The following MDGA2 variants were observed in gnomAD, a reference collection of about 807,000 sequenced individuals.
MDGA2 encodes MAM domain containing glycosylphosphatidylinositol anchor 2.
MDGA2 carries 40 observed loss-of-function variants against 117.8 expected under a neutral mutation model. The observed-to-expected ratio is 0.34, with a 90% CI of 0.26 to 0.44. The LOEUF is 0.44. Among genes scored for constraint, MDGA2 ranks in the 20% least tolerant of loss-of-function variants. The pLI is 1.00. For synonymous variants in MDGA2, 452 were observed against 439.0 expected, an observed-to-expected ratio of 1.03 and a Z score of -0.37; for missense variants, 1,123 against 1,250.6, an observed-to-expected ratio of 0.90 and a Z score of 1.54.
chr14:47,022,774 T>C (rs1888331711), intron 8 of MDGA2, among the ~76,000 whole-genome samples: 1 of 152,172 alleles, frequency 6.6e-6, no homozygotes, highest in African/African-American at 2.4e-5. Context: ...CAAAAAGCAT[T>C]GAGTTCAAAT....
chr14:47,330,718 AG>A (rs1890270200), intron 1 of MDGA2, among the ~76,000 whole-genome samples: 3 of 151,932 alleles, frequency 2.0e-5, no homozygotes, highest in African/African-American at 7.2e-5. Context: ...CCAAAAAAAA[AG>A]AAATCAAAGA....
intron 3 of MDGA2, among the ~76,000 whole-genome samples, chr14:47,212,192 A>G (rs1262560784): frequency 2.0e-5 from 3 of 152,178 alleles, no homozygotes; most frequent in Non-Finnish European, 4.4e-5. Flanking sequence ...TCCTTATGCT[A>G]TTTGCCTATC....
chr14:47,060,690 T>C (rs1889851137), intron 7 of MDGA2, among the ~76,000 whole-genome samples: 1 of 152,060 alleles, frequency 6.6e-6, no homozygotes, highest in Non-Finnish European at 1.5e-5. Flanking sequence ...TTCACTCCAA[T>C]ATATTTTCGT....
intron 1 of MDGA2, among the ~76,000 whole-genome samples, chr14:47,376,806 T>G (rs963260317): frequency 1.3e-5 from 2 of 151,964 alleles, no homozygotes; most frequent in African/African-American, 4.8e-5. Context: ...GTAGAAAAAA[T>G]GCAGGAAAAA....
chr14:46,975,869 G>C (rs563012496), intron 8 of MDGA2, among the ~76,000 whole-genome samples: 1 of 151,996 alleles, frequency 6.6e-6, no homozygotes, highest in African/African-American at 2.4e-5. Flanking sequence ...CTATGTCCTC[G>C]CATGTGGAAG....
At chr14:47,376,074 C>A (rs1440145722) in intron 1 of MDGA2, among the ~76,000 whole-genome samples, 1 of 152,102 alleles carries the variant, frequency 6.6e-6, no homozygotes, top group African/African-American at 2.4e-5. Context: ...AAACTATAAA[C>A]AATATTTTGT....
intron 1 of MDGA2, among the ~76,000 whole-genome samples, chr14:47,628,763 T>A (rs1451284433): frequency 6.6e-6 from 1 of 152,268 alleles, no homozygotes; most frequent in East Asian, 1.9e-4. Context: ...GAAGATTTTT[T>A]TCCCCCCAGC....
intron 1 of MDGA2, among the ~76,000 whole-genome samples, chr14:47,446,842 A>G (rs1340771888): frequency 6.6e-6 from 1 of 152,158 alleles, no homozygotes; most frequent in Non-Finnish European, 1.5e-5. Flanking sequence ...AGTCAAATTT[A>G]AATTGGTGAT....
Position 47,181,294 on chromosome 14 carries a change from T to C in MDGA2, c.595+36727A>G, listed in dbSNP as rs978936449. Among the ~76,000 whole-genome samples, 18 of 152,172 alleles carry C rather than the reference T, an allele frequency of 1.2e-4. 1 individual carries two copies. Among genetic ancestry groups the C allele is most frequent in the African/African-American group, 4.1e-4 (17 of 41,448 alleles). On this transcript the variant is annotated intron_variant, in intron 3 of 16. Coordinates refer to ENST00000399232, the MANE Select transcript of MDGA2 (RefSeq NM_001113498.3). ...TTCCCCTCCCTGTGTCCATGTGTTC[T>C]CATTGTTCCACTCCTATTTATGAGT...
chr14:47,482,111 T>A (rs949603969), intron 1 of MDGA2, among the ~76,000 whole-genome samples: 18 of 152,154 alleles, frequency 1.2e-4, no homozygotes, highest in African/African-American at 3.6e-4. Context: ...GTGAGTGAAA[T>A]GTAGCTCCAC....
chr14:47,330,887 G>A (rs1890274667), intron 1 of MDGA2, among the ~76,000 whole-genome samples: 1 of 151,782 alleles, frequency 6.6e-6, no homozygotes, highest in Non-Finnish European at 1.5e-5. Flanking sequence ...AAATTTGTGT[G>A]TTTCAATAAA....
intron 4 of MDGA2, among the ~76,000 whole-genome samples, chr14:47,135,277 G>T (rs960148414): frequency 6.6e-6 from 1 of 152,062 alleles, no homozygotes; most frequent in Non-Finnish European, 1.5e-5. Flanking sequence ...TCTAGTTACT[G>T]AAGTCTGCAA....
At chr14:47,550,941 C>T (rs1266101592) in intron 1 of MDGA2, among the ~76,000 whole-genome samples, 1 of 152,096 alleles carries the variant, frequency 6.6e-6, no homozygotes. Context: ...AGTCAAGTTG[C>T]GGCCACCAGG....
At chr14:46,912,008 A>C (rs1883723673) in intron 10 of MDGA2, among the ~76,000 whole-genome samples, 1 of 152,040 alleles carries the variant, frequency 6.6e-6, no homozygotes, top group Non-Finnish European at 1.5e-5. Flanking sequence ...GGAGTGATTC[A>C]TTTAGACATG....
intron 7 of MDGA2, among the ~76,000 whole-genome samples, chr14:47,038,160 G>T (rs565307549): frequency 6.6e-6 from 1 of 152,036 alleles, no homozygotes; most frequent in Admixed American, 6.6e-5. Context: ...TCAAACTCCC[G>T]ATCTTAGGTG....
chr14:47,254,373 A>T (rs1184499033), intron 2 of MDGA2, among the ~76,000 whole-genome samples: 1 of 152,126 alleles, frequency 6.6e-6, no homozygotes, highest in South Asian at 2.1e-4. Flanking sequence ...AGATACCCTA[A>T]ATCATCTCAC....
intron 1 of MDGA2, among the ~76,000 whole-genome samples, chr14:47,394,152 C>T (rs1372032882): frequency 6.6e-6 from 1 of 152,070 alleles, no homozygotes. Flanking sequence ...AAATGCTACA[C>T]ATTTGTTAGC....
At chr14:47,427,333 T>G (rs903279556) in intron 1 of MDGA2, among the ~76,000 whole-genome samples, 5 of 152,086 alleles carry the variant, frequency 3.3e-5, no homozygotes, top group African/African-American at 1.2e-4. Context: ...AGCTATGGAA[T>G]AGCAAGAGAG....
chr14:46,917,953 T>C (rs1395630195), intron 10 of MDGA2, among the ~76,000 whole-genome samples: 1 of 152,148 alleles, frequency 6.6e-6, no homozygotes, highest in Non-Finnish European at 1.5e-5. Flanking sequence ...ATTTCGCTTA[T>C]AGGTAAGGAT....
Sources: gnomAD v4.1 joint callset for allele counts (sites outside exome capture counted in the v4.1 genomes callset) on GRCh38, gnomAD v4.1.1 for gene constraint, MANE v1.5 for transcripts, NCBI Gene and HGNC (gene_info 2026-07-23, HGNC 2026-07-21) for gene names.